ZYG11A: variants seen among roughly 807,000 people sequenced by gnomAD.
ZYG11A encodes zyg-11 family member A, cell cycle regulator, also known as protein zyg-11 homolog A.
ZYG11A carries 62 observed loss-of-function variants against 77.2 expected under a neutral mutation model. That is an observed-to-expected ratio of 0.80 (90% confidence interval 0.65 to 0.99). The LOEUF (loss-of-function observed/expected upper bound fraction) is 0.99. Among genes scored for constraint, ZYG11A ranks in the 50% least tolerant of loss-of-function variants. The probability of loss-of-function intolerance (pLI) is 0.00; values close to 1 mark genes in which losing one functional copy is unlikely to be tolerated. For synonymous variants in ZYG11A, 315 were observed against 324.6 expected (o/e 0.97, Z 0.32); for missense variants, 828 against 896.8 (o/e 0.92, Z 0.98).
intron 2 of ZYG11A, among the ~76,000 whole-genome samples, chr1:52,854,855 C>T (rs754774161): frequency 7.3e-5 from 11 of 150,994 alleles, no homozygotes; most frequent in Non-Finnish European, 1.3e-4. Flanking sequence ...ATCACTCATC[C>T]ATCTGCTCTC....
At chr1:52,859,001 C>T (rs958682599) in intron 3 of ZYG11A, among the ~76,000 whole-genome samples, 2 of 152,070 alleles carry the variant, frequency 1.3e-5, no homozygotes, top group South Asian at 4.1e-4. Flanking sequence ...GATTTGTATA[C>T]TCATTAGTTG....
At chr1:52,850,802 C>T (rs1394145354) in intron 1 of ZYG11A, among the ~76,000 whole-genome samples, 1 of 152,030 alleles carries the variant, frequency 6.6e-6, no homozygotes, top group Non-Finnish European at 1.5e-5. Context: ...TTTTTCATAT[C>T]TTCTGTTTTT....
At chr1:52,848,572 A>G (rs1645645111) in intron 1 of ZYG11A, among the ~76,000 whole-genome samples, 1 of 152,194 alleles carries the variant, frequency 6.6e-6, no homozygotes, top group Non-Finnish European at 1.5e-5. Context: ...TCTGGTCTCA[A>G]GCAGTCCTCC....
chr1:52,855,426 G>A (rs1358279328), intron 2 of ZYG11A, among the ~76,000 whole-genome samples: 2 of 151,584 alleles, frequency 1.3e-5, no homozygotes, highest in Non-Finnish European at 2.9e-5. Context: ...TTGACCTCAA[G>A]TGGTCTGCCT....
intron 6 of ZYG11A, among the ~76,000 whole-genome samples, chr1:52,866,904 T>A (rs1646037532): frequency 6.6e-6 from 1 of 152,218 alleles, no homozygotes; most frequent in Non-Finnish European, 1.5e-5. Flanking sequence ...ATTCCTAGTT[T>A]AAGTACAGGC....
chr1:52,863,936 G>A lies in ZYG11A; in HGVS notation c.1150-45G>A, dbSNP rs1645973786. On this transcript the variant is annotated intron_variant, in intron 4 of 13. Transcript: ENST00000371528. ...CAAAACATGCACAAGACAGCATAGA[G>A]AATGTTACTGGCATCATATGCACTA... 2.0e-6 allele frequency: 3 copies of A among 1,500,974 alleles called. No individual in the cohort carries two copies. In the East Asian group the frequency reaches 7.4e-5, roughly 37 times the overall value. 93.0% of individuals were successfully genotyped at this position (1,500,974 alleles called of 1,614,324 possible).
Position 52,894,689 on chromosome 1 carries a change from T to C in ZYG11A, c.*1732T>C, listed in dbSNP as rs1038505808. ...AAGCTCATTCTCTTACTCTAAACCA[T>C]GTTCCAAACTATTACCAGAGTCCAA... On this transcript the variant is annotated 3_prime_UTR_variant, in exon 14 of 14. Coordinates refer to ENST00000371528, the MANE Select transcript of ZYG11A (RefSeq NM_001004339.3). 6.6e-6 allele frequency: 1 copy of C among 152,248 alleles called. No individual in the cohort carries two copies. Among genetic ancestry groups the C allele is most frequent in the Non-Finnish European group, 1.5e-5 (1 of 68,048 alleles). 9.4% of individuals were successfully genotyped at this position (152,248 alleles called of 1,614,324 possible).
chr1:52,869,832 C>T (rs925549793), intron 8 of ZYG11A, among the ~76,000 whole-genome samples: 3 of 151,244 alleles, frequency 2.0e-5, no homozygotes, highest in Non-Finnish European at 3.0e-5. Context: ...CGGGCAGAGG[C>T]GCCCCTCACC....
rs1646588513 is a variant in ZYG11A at position 52,894,095 on chromosome 1, G to C, written c.*1138G>C. The stretch of plus-strand genomic sequence containing the variant: ...CAAAGTGCTGGGATTACAGGTGTGA[G>C]TCACTGCACCTGGCCTTTTTACAAT... On this transcript the variant is annotated 3_prime_UTR_variant, in exon 14 of 14. Coordinates refer to ENST00000371528, the MANE Select transcript of ZYG11A (RefSeq NM_001004339.3). 6.6e-6 allele frequency: 1 copy of C among 152,240 alleles called. No individual in the cohort carries two copies. Among genetic ancestry groups the C allele is most frequent in the Non-Finnish European group, 1.5e-5 (1 of 68,118 alleles). 9.4% of individuals were successfully genotyped at this position (152,240 alleles called of 1,614,324 possible).
At chr1:52,848,216 G>T (rs1269610095) in intron 1 of ZYG11A, among the ~76,000 whole-genome samples, 15 of 151,830 alleles carry the variant, frequency 9.9e-5, no homozygotes, top group Non-Finnish European at 1.0e-4. Context: ...TTGGCCAGGT[G>T]GGTCTTAAAC....
rs1259440876 is a variant in ZYG11A at position 52,842,813 on chromosome 1, T to A, written c.-71T>A. On this transcript the variant is annotated 5_prime_UTR_variant, in exon 1 of 14. In the 5' UTR this introduces an upstream ATG that the reference lacks. Coordinates refer to ENST00000371528, the MANE Select transcript of ZYG11A (RefSeq NM_001004339.3). The stretch of plus-strand genomic sequence containing the variant: ...TGGGCGCGTCCTGGCAGCCGCCCGC[T>A]TGGTTCTCGCGGGATCCGGGCTCCG... The A allele has an allele frequency of 7.0e-7, 1 of 1,426,882 alleles. No homozygotes were observed. The highest frequency in any genetic ancestry group is 1.5e-5 in the African/African-American group (1 of 66,778). 88.4% of individuals were successfully genotyped at this position (1,426,882 alleles called of 1,614,324 possible). A position where few individuals can be genotyped will look rare whatever the true frequency, so the allele number is the denominator to read the frequency against.
At chr1:52,849,667 TAG>T (rs914067250) in intron 1 of ZYG11A, among the ~76,000 whole-genome samples, 1 of 138,458 alleles carries the variant, frequency 7.2e-6, no homozygotes, top group Non-Finnish European at 1.5e-5. Flanking sequence ...TGTGCTGGCC[TAG>T]AGTTTCAATT....
intron 1 of ZYG11A, among the ~76,000 whole-genome samples, chr1:52,843,375 A>G (rs1188843526): frequency 1.3e-5 from 2 of 152,086 alleles, no homozygotes; most frequent in African/African-American, 4.8e-5. Context: ...TGCAGTCATG[A>G]ACCCAAACGC....
intron 8 of ZYG11A, among the ~76,000 whole-genome samples, chr1:52,875,466 A>G (rs963854599): frequency 1.3e-5 from 2 of 152,242 alleles, no homozygotes; most frequent in East Asian, 1.9e-4. Context: ...AAAGGAAATA[A>G]TTTTGGTGCT....
chr1:52,853,323 A>G (rs557646263), intron 1 of ZYG11A, among the ~76,000 whole-genome samples: 1 of 152,348 alleles, frequency 6.6e-6, no homozygotes, highest in South Asian at 2.1e-4. Flanking sequence ...ATGCCTTTAT[A>G]GCCTCACCTT....
At chr1:52,872,710 G>A (rs1045482945) in intron 8 of ZYG11A, among the ~76,000 whole-genome samples, 8 of 150,626 alleles carry the variant, frequency 5.3e-5, no homozygotes, top group Middle Eastern at 3.4e-3. Flanking sequence ...GTGAAACCCC[G>A]TCTCTATTAA....
chr1:52,846,429 C>T (rs1355006768), intron 1 of ZYG11A, among the ~76,000 whole-genome samples: 1 of 146,362 alleles, frequency 6.8e-6, no homozygotes, highest in Non-Finnish European at 1.5e-5. Flanking sequence ...CTTGGCTCAC[C>T]ACAACCTCCG....
intron 5 of ZYG11A, among the ~76,000 whole-genome samples, chr1:52,866,190 G>A (rs1392767780): frequency 3.9e-5 from 6 of 152,136 alleles, no homozygotes; most frequent in Non-Finnish European, 7.4e-5. Flanking sequence ...GCCTGCCTCT[G>A]CCTCCCAAAG....
intron 5 of ZYG11A, 122 bp from the exon 6 acceptor site, chr1:52,866,381 C>A: frequency 2.0e-6 from 1 of 506,174 alleles, no homozygotes; most frequent in Non-Finnish European, 3.5e-6. Flanking sequence ...AAATTTAATG[C>A]TGGTACACAA....
Sources: allele counts gnomAD v4.1 joint callset (sites outside exome capture counted in the v4.1 genomes callset), GRCh38; gene constraint gnomAD v4.1.1; transcripts MANE v1.5; gene names NCBI Gene and HGNC (gene_info 2026-07-23, HGNC 2026-07-21).